The following TDRKH variants were observed in gnomAD, a reference collection of about 807,000 sequenced individuals.
TDRKH encodes tudor and KH domain-containing protein.
Under a neutral mutation model 61.3 loss-of-function variants are expected in TDRKH, and 28 were observed. The observed-to-expected ratio is 0.46, with a 90% CI of 0.34 to 0.63. The LOEUF (loss-of-function observed/expected upper bound fraction) is 0.63. TDRKH is among the 20% of genes least tolerant of loss of function. The pLI, the probability that TDRKH is intolerant of heterozygous loss-of-function variation, is 0.01. For missense variants in TDRKH, 540 were observed against 683.4 expected (o/e 0.79, Z 2.34); for synonymous variants, 219 against 244.4 (o/e 0.90, Z 0.97).
chr1:151,783,657 C>T (rs546741897), intron 1 of TDRKH: 3 of 152,410 alleles, frequency 2.0e-5, no homozygotes, highest in Admixed American at 2.0e-4. Flanking sequence ...GGTGGCCACT[C>T]CCTCCACAAA....
chr1:151,775,548 C>G lies in TDRKH; in HGVS notation c.1283-5G>C, dbSNP rs200460632. ...CTTCCTCTTCCCACTGGTCACCTGG[C>G]AAAAGATTGTAGGGGTTACTGCTGA... is the stretch of plus-strand genomic sequence containing the variant. On this transcript the variant is annotated splice_region_variant and splice_polypyrimidine_tract_variant and intron_variant, in intron 9 of 12. Transcript: ENST00000368824. The G allele has an allele frequency of 3.7e-5, 60 of 1,611,488 alleles. No individual in the cohort carries two copies. Among genetic ancestry groups the G allele is most frequent in the Admixed American group, 3.4e-4 (20 of 59,634 alleles).
intron 6 of TDRKH, 68 bp from the exon 7 acceptor site, chr1:151,776,667 G>A: frequency 1.3e-6 from 2 of 1,568,240 alleles, no homozygotes; most frequent in Non-Finnish European, 1.7e-6. Flanking sequence ...AGACTAACCA[G>A]GGTAGTGAGA....
downstream of TDRKH, among the ~76,000 whole-genome samples, chr1:151,769,658 C>G (rs1648561412): frequency 6.6e-6 from 1 of 152,034 alleles, no homozygotes; most frequent in African/African-American, 2.4e-5. Flanking sequence ...ACGCTCCTCA[C>G]TTCCCAGACG....
At chr1:151,774,526 G>A (rs1193261761) in intron 12 of TDRKH, 22 bp from the exon 13 acceptor site, 2 of 1,613,824 alleles carry the variant, frequency 1.2e-6, no homozygotes, top group Non-Finnish European at 8.5e-7. Flanking sequence ...AAATAAGAAG[G>A]AGAAAGTTAG....
chr1:151,787,695 G>A (rs1179087828), intron 1 of TDRKH, among the ~76,000 whole-genome samples: 2 of 151,352 alleles, frequency 1.3e-5, no homozygotes, highest in East Asian at 3.9e-4. Context: ...AACAGGCTGG[G>A]CACAGTGGCT....
chr1:151,768,255 A>G, downstream of TDRKH: 1 of 1,598,444 alleles, frequency 6.3e-7, no homozygotes, highest in Non-Finnish European at 8.5e-7. Flanking sequence ...TGGATGGGAG[A>G]ATGGGGAGGG....
chr1:151,782,155 G>C, intron 2 of TDRKH: 1 of 367,238 alleles, frequency 2.7e-6, no homozygotes, highest in Non-Finnish European at 5.2e-6. Context: ...AGCTTACTTT[G>C]CTATGTAAGA....
At chr1:151,769,943 G>A (rs970242120), downstream of TDRKH, among the ~76,000 whole-genome samples, 11 of 151,998 alleles carry the variant, frequency 7.2e-5, no homozygotes, top group African/African-American at 2.7e-4. Context: ...ATGGCGGCAC[G>A]CGCCTGCAAT....
In TDRKH at chr1:151,779,951, C is replaced by T; in HGVS notation, c.421G>A (p.Gly141Arg). 6.2e-7 allele frequency: 1 copy of T among 1,609,912 alleles called. No individual in the cohort carries two copies. Among genetic ancestry groups the T allele is most frequent in the East Asian group, 2.2e-5 (1 of 44,744 alleles). ...VPQRSVGRII[G>R]RGGETIRSIC... ...AATAGAGGAAGCCATCCAGTGGTAC[C>T]TATGATTCTGCCCACAGATCTCTGG... The change falls in exon 4 of 13, where the codon GGG (glycine) becomes AGG (arginine). Residue 141 changes from glycine to arginine, a missense_variant and splice_region_variant. This residue lies in a region of TDRKH where 156 missense variants were observed against 218.0 expected (regional missense o/e 0.72). Transcript: ENST00000368824.
chr1:151,767,173 A>C (rs769963194), downstream of TDRKH: 1 of 1,613,870 alleles, frequency 6.2e-7, no homozygotes, highest in Non-Finnish European at 8.5e-7. Context: ...CATCACTTAT[A>C]AGGAAGAGGA....
chr1:151,773,200 G>A (rs776504262), downstream of TDRKH, among the ~76,000 whole-genome samples: 4 of 152,064 alleles, frequency 2.6e-5, no homozygotes, highest in Non-Finnish European at 4.4e-5. Flanking sequence ...ATGCCACCAT[G>A]CCTGGCTAAT....
chr1:151,780,201 C>A, intron 3 of TDRKH, 61 bp from the exon 4 acceptor site: 1 of 1,564,284 alleles, frequency 6.4e-7, no homozygotes, highest in South Asian at 1.2e-5. Flanking sequence ...AGCCCAGCTA[C>A]AGACACTCTA....
Position 151,778,833 on chromosome 1 carries a change from C to T in TDRKH, c.735G>A (p.Glu245=), listed in dbSNP as rs770091891. ...ALWKNTSSSM[E]PTAPLVTPPP... ...GAGGAGTCACCAGGGGTGCAGTCGG[C>T]TCCATGCTAGAACTGGTGTTTTTCC... The change falls in exon 6 of 13, where the codon GAG becomes GAA. Residue 245 remains glutamate, a synonymous_variant. Coordinates refer to ENST00000368824, the MANE Select transcript of TDRKH (RefSeq NM_001083965.2). 6.2e-7 allele frequency: 1 copy of T among 1,614,220 alleles called. No individual in the cohort carries two copies. The highest frequency in any genetic ancestry group is 8.5e-7 in the Non-Finnish European group (1 of 1,180,048).
rs549103381 is a variant in TDRKH at position 151,776,323 on chromosome 1, A to G, written c.1045-55T>C. 5.2e-5 allele frequency: 83 copies of G among 1,599,250 alleles called. 1 individual carries two copies. The South Asian group carries it at 8.5e-4, about 16-fold the overall frequency. On this transcript the variant is annotated intron_variant, in intron 7 of 12. Coordinates refer to ENST00000368824, the MANE Select transcript of TDRKH (RefSeq NM_001083965.2). ...GAGTTACAAAGTGGTAGGCTCATAAACAGAATTGCAGGAGGAAGAAAGAAA... is the reference window on the plus strand; with the variant it reads ...GAGTTACAAAGTGGTAGGCTCATAAGCAGAATTGCAGGAGGAAGAAAGAAA...
downstream of TDRKH, chr1:151,767,225 G>C (rs764835418): frequency 6.2e-7 from 1 of 1,614,018 alleles, no homozygotes; most frequent in South Asian, 1.1e-5. Context: ...CAGTGCTCCT[G>C]AGTCCCTAGT....
At chr1:151,771,489 C>T (rs1271432520), downstream of TDRKH, 1 of 546,794 alleles carries the variant, frequency 1.8e-6, no homozygotes, top group Non-Finnish European at 2.8e-6. Context: ...CTCCATGCCC[C>T]AAACTATTTC....
At chr1:151,770,748 T>C (rs888592144), downstream of TDRKH, among the ~76,000 whole-genome samples, 1 of 152,232 alleles carries the variant, frequency 6.6e-6, no homozygotes, top group African/African-American at 2.4e-5. Context: ...TATGTCATCA[T>C]TGTATTAGTA....
chr1:151,775,024 T>C, intron 11 of TDRKH, 41 bp downstream of exon 11: 1 of 1,597,086 alleles, frequency 6.3e-7, no homozygotes, highest in South Asian at 1.1e-5. Flanking sequence ...ATGTGCTAGA[T>C]TTGCCTGGAA....
At chr1:151,770,853 A>C (rs1239161415), downstream of TDRKH, among the ~76,000 whole-genome samples, 1 of 152,204 alleles carries the variant, frequency 6.6e-6, no homozygotes, top group Non-Finnish European at 1.5e-5. Context: ...ATGATTTATA[A>C]ATGGAAAATT....
Sources: gnomAD v4.1 joint callset for allele counts (sites outside exome capture counted in the v4.1 genomes callset) on GRCh38, gnomAD v4.1.1 for gene constraint, gnomAD v4.1.1 regional missense constraint, MANE v1.5 for transcripts, NCBI Gene and HGNC (gene_info 2026-07-23, HGNC 2026-07-21) for gene names.